Variants in SUMF1 observed in about 807,000 individuals in gnomAD.
SUMF1 encodes formylglycine-generating enzyme.
Under a neutral mutation model 47.6 loss-of-function variants are expected in SUMF1, and 48 were observed. The ratio of observed to expected loss-of-function variants is 1.01; its 90% CI spans 0.80 to 1.28. The LOEUF is 1.28. SUMF1 is among the 50% of genes most tolerant of loss of function. SUMF1 has a pLI of 0.00. For synonymous variants in SUMF1, 230 were observed against 192.1 expected, an observed-to-expected ratio of 1.20 and a Z score of -1.63; for missense variants, 571 against 485.4, an observed-to-expected ratio of 1.18 and a Z score of -1.66.
At chr3:4,126,139 T>A (rs1194765225) in intron 8 of SUMF1, among the ~76,000 whole-genome samples, 1 of 151,700 alleles carries the variant, frequency 6.6e-6, no homozygotes, top group Non-Finnish European at 1.5e-5. Flanking sequence ...CTGTTTTGTG[T>A]CTCTTGTGTC....
chr3:4,356,628 T>A (rs1050768431), downstream of SUMF1, among the ~76,000 whole-genome samples: 2 of 152,154 alleles, frequency 1.3e-5, no homozygotes, highest in Non-Finnish European at 2.9e-5. Flanking sequence ...TAATCTAGGC[T>A]GCAAATGCAA....
At chr3:4,367,600 A>C (rs1197594681) in intron 8 of SUMF1, among the ~76,000 whole-genome samples, 2 of 152,220 alleles carry the variant, frequency 1.3e-5, no homozygotes, top group African/African-American at 2.4e-5. Context: ...ACAAGGCTAC[A>C]GTAACCAAAA....
chr3:4,358,223 T>C (rs1699665559), downstream of SUMF1, among the ~76,000 whole-genome samples: 1 of 152,126 alleles, frequency 6.6e-6, no homozygotes, highest in Non-Finnish European at 1.5e-5. Flanking sequence ...CACTCAACTG[T>C]CATGTACAGT....
chr3:4,265,417 A>G (rs907701057), intron 8 of SUMF1, among the ~76,000 whole-genome samples: 5 of 152,130 alleles, frequency 3.3e-5, no homozygotes, highest in Non-Finnish European at 7.4e-5. Context: ...TTTGGCAACA[A>G]TGATCATGAT....
chr3:4,165,243 G>A (rs930011405), intron 8 of SUMF1, among the ~76,000 whole-genome samples: 17 of 152,102 alleles, frequency 1.1e-4, no homozygotes, highest in East Asian at 3.8e-4. Flanking sequence ...AAGTGAAGTC[G>A]AAGATTTGCC....
At chr3:4,383,470 G>C (rs1356999172) in intron 7 of SUMF1, among the ~76,000 whole-genome samples, 1 of 152,148 alleles carries the variant, frequency 6.6e-6, no homozygotes. Flanking sequence ...GTTATAAATT[G>C]AGAGGCTTAA....
At chr3:4,038,298 GCAGGGGTTCC>G (rs988555548) in intron 9 of SUMF1, among the ~76,000 whole-genome samples, 2 of 152,172 alleles carry the variant, frequency 1.3e-5, no homozygotes, top group Admixed American at 6.5e-5. Context: ...TGGGCCCAAG[GCAGGGGTTCC>G]CTGCTTGGTG....
chr3:4,101,087 T>C (rs556986238), intron 8 of SUMF1, among the ~76,000 whole-genome samples: 2 of 152,132 alleles, frequency 1.3e-5, no homozygotes, highest in South Asian at 2.1e-4. Flanking sequence ...GTATGGGGGA[T>C]CTTCATAATA....
chr3:4,262,355 C>T (rs1697104489), intron 8 of SUMF1, among the ~76,000 whole-genome samples: 1 of 152,100 alleles, frequency 6.6e-6, no homozygotes, highest in African/African-American at 2.4e-5. Flanking sequence ...CACTTCTGCT[C>T]CCAGAAACTG....
At chr3:4,297,839 T>A (rs9864429) in intron 8 of SUMF1, among the ~76,000 whole-genome samples, 45 of 152,246 alleles carry the variant, frequency 3.0e-4, no homozygotes, top group African/African-American at 1.1e-3. Flanking sequence ...ATAATGCTAG[T>A]GAAACTTTGA....
chr3:4,333,819 A>AG (rs1699094640), intron 8 of SUMF1, among the ~76,000 whole-genome samples: 1 of 128,332 alleles, frequency 7.8e-6, no homozygotes, highest in Non-Finnish European at 1.5e-5. Flanking sequence ...CTAAGCACAT[A>AG]ATTTTTTTTT....
intron 7 of SUMF1, among the ~76,000 whole-genome samples, chr3:4,386,504 C>T (rs1243544798): frequency 6.6e-6 from 1 of 151,944 alleles, no homozygotes; most frequent in African/African-American, 2.4e-5. Context: ...TGGTAGATTC[C>T]TTGGGACTTT....
At chr3:4,069,959 T>G (rs1369272013) in intron 8 of SUMF1, among the ~76,000 whole-genome samples, 1 of 152,152 alleles carries the variant, frequency 6.6e-6, no homozygotes, top group African/African-American at 2.4e-5. Context: ...CAGATACGCT[T>G]TTAGCTCTGA....
intron 9 of SUMF1, among the ~76,000 whole-genome samples, chr3:4,049,196 T>A (rs1324241899): frequency 1.3e-5 from 2 of 152,306 alleles, no homozygotes; most frequent in Non-Finnish European, 2.9e-5. Context: ...TTGTTCTACA[T>A]CATCCTAACT....
intron 8 of SUMF1, among the ~76,000 whole-genome samples, chr3:4,132,222 T>A (rs1277782371): frequency 6.6e-6 from 1 of 152,154 alleles, no homozygotes; most frequent in Admixed American, 6.5e-5. Context: ...ACGCCTCACC[T>A]ACCATCATGG....
chr3:4,455,591 C>G (rs1703133824), intron 1 of SUMF1, among the ~76,000 whole-genome samples: 3 of 152,190 alleles, frequency 2.0e-5, no homozygotes, highest in Non-Finnish European at 2.9e-5. Flanking sequence ...GTGGCACACG[C>G]CTGTAATCCC....
At chr3:4,193,788 C>T (rs553759701) in intron 8 of SUMF1, among the ~76,000 whole-genome samples, 32 of 152,200 alleles carry the variant, frequency 2.1e-4, no homozygotes, top group African/African-American at 7.5e-4. Flanking sequence ...TGGGTGACCA[C>T]AGGCAAGTCT....
chr3:4,410,531 A>C (rs1423383728), intron 7 of SUMF1, among the ~76,000 whole-genome samples: 1 of 152,238 alleles, frequency 6.6e-6, no homozygotes, highest in Non-Finnish European at 1.5e-5. Context: ...AATAGTTCAT[A>C]ATAAAACAGT....
chr3:4,383,977 T>A (rs1185413683), intron 7 of SUMF1, among the ~76,000 whole-genome samples: 1 of 152,256 alleles, frequency 6.6e-6, no homozygotes, highest in Admixed American at 6.5e-5. Flanking sequence ...CAGTTATATA[T>A]GTGAAAAACT....
Sources: gnomAD v4.1 joint callset for allele counts (sites outside exome capture counted in the v4.1 genomes callset) on GRCh38, gnomAD v4.1.1 for gene constraint, MANE v1.5 for transcripts, NCBI Gene and HGNC (gene_info 2026-07-23, HGNC 2026-07-21) for gene names.